Variants in MALT1 observed in about 807,000 individuals in gnomAD.
The protein encoded by MALT1 is mucosa-associated lymphoid tissue lymphoma translocation protein 1.
MALT1 carries 36 observed loss-of-function variants against 85.5 expected under a neutral mutation model. The observed-to-expected ratio is 0.42, with a 90% CI of 0.32 to 0.56. The LOEUF (loss-of-function observed/expected upper bound fraction) is 0.56, where lower values mean the gene tolerates loss of function less well. Among genes scored for constraint, MALT1 ranks in the 20% least tolerant of loss-of-function variants. The pLI is 0.10. For missense variants in MALT1, 716 were observed against 981.6 expected (o/e 0.73, Z 3.62); for synonymous variants, 359 against 361.3 (o/e 0.99, Z 0.07).
chr18:58,701,106 CTTCT>C (rs1333455673), intron 4 of MALT1, among the ~76,000 whole-genome samples: 2 of 151,166 alleles, frequency 1.3e-5, no homozygotes. Context: ...TTTAATTGTC[CTTCT>C]GTGTGTGTGC....
intron 4 of MALT1, among the ~76,000 whole-genome samples, chr18:58,704,673 G>A (rs1314755615): frequency 6.6e-6 from 1 of 152,190 alleles, no homozygotes; most frequent in Non-Finnish European, 1.5e-5. Context: ...GCCCAGGCTG[G>A]TCTCAAGCGA....
At chr18:58,676,192 C>A (rs767711794) in intron 1 of MALT1, among the ~76,000 whole-genome samples, 1 of 152,138 alleles carries the variant, frequency 6.6e-6, no homozygotes, top group African/African-American at 2.4e-5. Context: ...AAGAATTATT[C>A]TTTTAAAACA....
At chr18:58,674,308 T>C (rs1237409661) in intron 1 of MALT1, among the ~76,000 whole-genome samples, 1 of 152,186 alleles carries the variant, frequency 6.6e-6, no homozygotes, top group African/African-American at 2.4e-5. Context: ...AAGGAAATAT[T>C]TGAGGCCACT....
intron 16 of MALT1, 86 bp from the exon 17 acceptor site, chr18:58,747,319 G>GT: frequency 2.4e-6 from 2 of 823,840 alleles, no homozygotes; most frequent in South Asian, 1.7e-5. Flanking sequence ...ATTTTTGGGG[G>GT]TGGGGGTGTG....
chr18:58,700,427 T>G lies in MALT1; in HGVS notation c.499-14T>G. On this transcript the variant is annotated splice_polypyrimidine_tract_variant and intron_variant, in intron 3 of 16. Coordinates refer to ENST00000649217, the MANE Select transcript of MALT1 (RefSeq NM_006785.4). ...TTGATGAGTCATCCACTTCTCTTAT[T>G]GATTCTTTCACAGATTCCAAATGGA... 6.3e-7 allele frequency: 1 copy of G among 1,581,558 alleles called. No individual in the cohort carries two copies. Among genetic ancestry groups the G allele is most frequent in the Non-Finnish European group, 8.6e-7 (1 of 1,168,048 alleles).
chr18:58,720,061 T>G (rs1015439505), intron 9 of MALT1, among the ~76,000 whole-genome samples: 1 of 152,216 alleles, frequency 6.6e-6, no homozygotes, highest in Non-Finnish European at 1.5e-5. Context: ...ACGTTTAGGA[T>G]CATGAGTTAA....
intron 4 of MALT1, among the ~76,000 whole-genome samples, chr18:58,702,968 GA>G (rs1226027394): frequency 6.6e-6 from 1 of 152,188 alleles, no homozygotes; most frequent in Non-Finnish European, 1.5e-5. Flanking sequence ...GGATAGGGAG[GA>G]AAACACTTTT....
chr18:58,679,931 TC>T (rs978760590), intron 1 of MALT1, among the ~76,000 whole-genome samples: 3 of 152,110 alleles, frequency 2.0e-5, no homozygotes, highest in African/African-American at 7.2e-5. Context: ...GAGTGGTGGC[TC>T]CAGCTCTTTG....
chr18:58,752,198 T>A lies in MALT1; in HGVS notation c.*4356T>A, dbSNP rs549406793. The A allele has an allele frequency of 6.6e-6, 1 of 152,330 alleles. No homozygotes were observed. Among genetic ancestry groups the A allele is most frequent in the Admixed American group, 6.5e-5 (1 of 15,300 alleles). 9.4% of individuals were successfully genotyped at this position (152,330 alleles called of 1,614,324 possible). ...AATTTTATTAGAAGTGGGATCTCAT[T>A]TTGTTGCCCATGCTGGTCTCAAACA... On this transcript the variant is annotated 3_prime_UTR_variant, in exon 17 of 17. Transcript: ENST00000649217.
intron 14 of MALT1, among the ~76,000 whole-genome samples, chr18:58,743,181 C>G (rs2055325162): frequency 6.6e-6 from 1 of 152,062 alleles, no homozygotes; most frequent in African/African-American, 2.4e-5. Context: ...TCAAGACCAG[C>G]CTGGCCAACA....
At chr18:58,691,265 T>C in intron 2 of MALT1, 1 of 456,490 alleles carries the variant, frequency 2.2e-6, no homozygotes, top group Non-Finnish European at 4.1e-6. Context: ...CCTATCTCCA[T>C]ATCCTGCACT....
At chr18:58,717,167 A>G (rs2054913576) in intron 9 of MALT1, among the ~76,000 whole-genome samples, 1 of 152,194 alleles carries the variant, frequency 6.6e-6, no homozygotes, top group Non-Finnish European at 1.5e-5. Flanking sequence ...GATTGAGATC[A>G]GCCTAACCAA....
chr18:58,671,727 G>T lies in MALT1; in HGVS notation c.84G>T (p.Ala28=). ...CGCTGCTCGCCCCTCCGGCCGGCGC[G>T]ACCCTCAACCGCCTGCGGGAGCCGC... ...TGPLLAPPAG[A]TLNRLREPLL... is the part of the protein sequence containing the mutation. Residue 28 remains alanine, a synonymous_variant, in exon 1 of 17, where the codon GCG becomes GCT. Transcript: ENST00000649217. 2 of 1,278,928 alleles carry T rather than the reference G, an allele frequency of 1.6e-6. No homozygotes were observed. The highest frequency in any genetic ancestry group is 2.5e-5 in the South Asian group (1 of 39,330). The allele number at this position is 1,278,928 out of a possible 1,614,324, so 79.2% of individuals were successfully genotyped here. A position where few individuals can be genotyped will look rare whatever the true frequency, so the allele number is the denominator to read the frequency against.
intron 6 of MALT1, 67 bp from the exon 7 acceptor site, chr18:58,710,854 G>T: frequency 9.7e-7 from 1 of 1,036,096 alleles, no homozygotes; most frequent in Non-Finnish European, 1.5e-6. Context: ...ATCTCTATTT[G>T]CTTGACGGCT....
At chr18:58,679,693 G>A (rs2054292212) in intron 1 of MALT1, among the ~76,000 whole-genome samples, 2 of 152,072 alleles carry the variant, frequency 1.3e-5, no homozygotes, top group Non-Finnish European at 2.9e-5. Flanking sequence ...GACTACAGGC[G>A]TGCACCACCA....
chr18:58,730,420 A>G (rs1217818163), intron 10 of MALT1, among the ~76,000 whole-genome samples: 1 of 152,196 alleles, frequency 6.6e-6, no homozygotes, highest in Non-Finnish European at 1.5e-5. Context: ...GTGGCCTTTT[A>G]TGTCTGCCTT....
Position 58,681,169 on chromosome 18 carries a change from G to T in MALT1, c.210-1G>T. The T allele has an allele frequency of 6.2e-7, 1 of 1,611,418 alleles. No individual in the cohort carries two copies. Among genetic ancestry groups the T allele is most frequent in the South Asian group, 1.1e-5 (1 of 90,602 alleles). On this transcript the variant is annotated splice_acceptor_variant, in intron 1 of 16. Transcript: ENST00000649217. LOFTEE classifies it high-confidence loss of function. ...ACTTGAATTCTTTCTGTTGCTTTCA[G>T]TTGCCTAGACCTGGAGCAGTGTTCT... is the stretch of plus-strand genomic sequence containing the variant.
At chr18:58,676,834 T>C (rs527910636) in intron 1 of MALT1, among the ~76,000 whole-genome samples, 1 of 152,288 alleles carries the variant, frequency 6.6e-6, no homozygotes, top group East Asian at 1.9e-4. Context: ...TTTTAGGTGA[T>C]GGAGAAATAG....
In MALT1 at chr18:58,671,837, G is replaced by A; in HGVS notation, c.194G>A (p.Gly65Glu). Residue 65 changes from glycine to glutamate, a missense_variant, in exon 1 of 17, where the codon GGG becomes GAG. Physicochemically the swap from Gly to Glu is moderately conservative, Grantham distance 98. Transcript: ENST00000649217. ...RRLAELAGSR[G>E]RLRLSCLDLE... ...CTGGCGGAGCTGGCGGGGAGTCGCGGGCGCCTCCGCCTCAGGTGAGCTCAG... is the reference window on the plus strand; with the variant it reads ...CTGGCGGAGCTGGCGGGGAGTCGCGAGCGCCTCCGCCTCAGGTGAGCTCAG... 2 of 1,229,266 alleles carry A rather than the reference G, an allele frequency of 1.6e-6. No individual in the cohort carries two copies. Among genetic ancestry groups the A allele is most frequent in the Non-Finnish European group, 2.0e-6 (2 of 986,424 alleles). The allele number at this position is 1,229,266 out of a possible 1,614,324, so 76.1% of individuals were successfully genotyped here. A position where few individuals can be genotyped will look rare whatever the true frequency, so the allele number is the denominator to read the frequency against.
Sources: gnomAD v4.1 joint callset for allele counts (sites outside exome capture counted in the v4.1 genomes callset) on GRCh38, gnomAD v4.1.1 for gene constraint, MANE v1.5 for transcripts, NCBI Gene and HGNC (gene_info 2026-07-23, HGNC 2026-07-21) for gene names.